Variants in TNK2 observed in about 807,000 individuals in gnomAD.
The protein encoded by TNK2 is activated CDC42 kinase 1.
In TNK2, 83 loss-of-function variants were observed where a neutral mutation model predicts 101.8. That is an observed-to-expected ratio of 0.82 (90% CI 0.68 to 0.98). TNK2 has a LOEUF of 0.98. Ranked by LOEUF, TNK2 falls within the 50% of genes least tolerant of loss-of-function variation. TNK2 has a pLI of 0.00. For synonymous variants in TNK2, 804 were observed against 633.0 expected, an observed-to-expected ratio of 1.27 and a Z score of -4.06; for missense variants, 1,665 against 1,483.2, an observed-to-expected ratio of 1.12 and a Z score of -2.01.
At chr3:195,889,920 C>A (rs1455943642) in intron 1 of TNK2, among the ~76,000 whole-genome samples, 1 of 152,150 alleles carries the variant, frequency 6.6e-6, no homozygotes, top group Non-Finnish European at 1.5e-5. Context: ...CCCCCTCCCC[C>A]ACTCAGCGGT....
chr3:195,874,561 C>A (rs1747843763), intron 9 of TNK2, among the ~76,000 whole-genome samples: 1 of 138,106 alleles, frequency 7.2e-6, no homozygotes, highest in African/African-American at 2.8e-5. Context: ...CCCACGCACG[C>A]TCCGAGGCAC....
Position 195,863,980 on chromosome 3 carries a change from A to C in TNK2, c.*201T>G, listed in dbSNP as rs1367143276. 3 of 614,330 alleles carry C rather than the reference A, an allele frequency of 4.9e-6. No homozygotes were observed. The highest frequency in any genetic ancestry group is 1.8e-5 in the African/African-American group (1 of 54,352). 38.1% of individuals were successfully genotyped at this position (614,330 alleles called of 1,614,324 possible). A position where few individuals can be genotyped will look rare whatever the true frequency, so the allele number is the denominator to read the frequency against. On this transcript the variant is annotated 3_prime_UTR_variant, in exon 16 of 16. Coordinates refer to ENST00000672887, the MANE Select transcript of TNK2 (RefSeq NM_001382273.1). ...GGCAGGGGCACCGGGACTGAACCAA[A>C]GTGTGCAGGGACAGCGCTGGTGCAG...
chr3:195,871,922 C>T (rs964300196), intron 10 of TNK2, among the ~76,000 whole-genome samples: 1 of 151,838 alleles, frequency 6.6e-6, no homozygotes, highest in Non-Finnish European at 1.5e-5. Context: ...AGAACCCTCC[C>T]CTGGAGAACC....
rs56204861 is a variant in TNK2 at position 195,871,917 on chromosome 3, C to G, written c.1451+359G>C. On this transcript the variant is annotated intron_variant, in intron 10 of 15. Transcript: ENST00000672887. ...CCCTGGAGAACGCTCCCCGGAGAACCCTCCCCTGGAGAACCCTCCCCTGGA... is the reference window on the plus strand; with the variant it reads ...CCCTGGAGAACGCTCCCCGGAGAACGCTCCCCTGGAGAACCCTCCCCTGGA... Among the ~76,000 whole-genome samples the G allele has an allele frequency of 4.5e-3, 664 of 148,076 alleles. 7 individuals are homozygous for G. Among genetic ancestry groups the G allele is most frequent in the African/African-American group, 0.016 (628 of 40,220 alleles).
intron 1 of TNK2, among the ~76,000 whole-genome samples, chr3:195,894,992 C>T (rs545624758): frequency 7.9e-5 from 12 of 152,328 alleles, no homozygotes; most frequent in African/African-American, 2.6e-4. Flanking sequence ...TCCTGGACTC[C>T]CTTGGGGCAT....
intron 1 of TNK2, chr3:195,894,808 G>C (rs1185255776): frequency 6.4e-6 from 1 of 155,408 alleles, no homozygotes; most frequent in African/African-American, 2.4e-5. Context: ...GAGGAAGTGC[G>C]TTCTCTCCAA....
Position 195,866,773 on chromosome 3 carries a change from G to C in TNK2, c.3161+116C>G. ...AGCGCCTCCCTCCCGCAGCTGGAGA[G>C]CTGTGTCTCCCTGGCCGGGAGCGGC... On this transcript the variant is annotated intron_variant, in intron 15 of 15. Coordinates refer to ENST00000672887, the MANE Select transcript of TNK2 (RefSeq NM_001382273.1). The C allele has an allele frequency of 2.1e-6, 3 of 1,425,234 alleles. No homozygotes were observed. In the East Asian group the frequency reaches 7.5e-5, roughly 36 times the overall value. The allele number at this position is 1,425,234 out of a possible 1,614,324, so 88.3% of individuals were successfully genotyped here. A position where few individuals can be genotyped will look rare whatever the true frequency, so the allele number is the denominator to read the frequency against.
chr3:195,873,838 CGCGGGGA>C (rs1747218267), intron 9 of TNK2, among the ~76,000 whole-genome samples: 1 of 151,918 alleles, frequency 6.6e-6, no homozygotes, highest in Non-Finnish European at 1.5e-5. Flanking sequence ...GGGCGCGGGG[CGCGGGGA>C]GACGGGGCTG....
Position 195,867,366 on chromosome 3 carries a change from G to A in TNK2, c.2932C>T (p.Gln978Ter), listed in dbSNP as rs750695335. ...PEAGRPADKI[Q>*]MLQAMVHGVT... ...CAGCCAGGCTGGGTGCTCACCATCTGGATCTTGTCTGCTGGCCGGCCCGCC... is the reference window on the plus strand; with the variant it reads ...CAGCCAGGCTGGGTGCTCACCATCTAGATCTTGTCTGCTGGCCGGCCCGCC... Residue 978 changes from glutamine to a stop codon, truncating the protein, a stop_gained, in exon 13 of 16, where the codon CAG (glutamine) becomes TAG (stop). Transcript: ENST00000672887. LOFTEE classifies it high-confidence loss of function. 1 of 1,607,504 alleles carries A rather than the reference G, an allele frequency of 6.2e-7. No homozygotes were observed. The highest frequency in any genetic ancestry group is 8.5e-7 in the Non-Finnish European group (1 of 1,177,862).
Position 195,872,292 on chromosome 3 carries a change from G to A in TNK2, c.1435C>T (p.Pro479Ser), listed in dbSNP as rs1271424037. 3 of 1,613,428 alleles carry A rather than the reference G, an allele frequency of 1.9e-6. No homozygotes were observed. The highest frequency in any genetic ancestry group is 2.2e-5 in the South Asian group (2 of 91,092). Reference protein sequence around the residue: ...DSDPRHCWGFPDRIDELYLGN... With the variant: ...DSDPRHCWGFSDRIDELYLGN... ...AGTACTCACTCGTCAATCCTGTCCG[G>A]GAAGCCCCAGCAGTGGCGGGGGTCA... is the stretch of plus-strand genomic sequence containing the variant. The change falls in exon 10 of 16, where the codon CCG becomes TCG. Residue 479 changes from proline (P) to serine (S), a missense_variant. Physicochemically the swap from Pro to Ser is moderately conservative, Grantham distance 74. Coordinates refer to ENST00000672887, the MANE Select transcript of TNK2 (RefSeq NM_001382273.1).
In TNK2 at chr3:195,878,526, A is replaced by G. The variant is rs1750672518; in HGVS notation, c.1081T>C (p.Tyr361His). ...GCCCAGCACTGGACCATGACGTTGT[A>G]GATGTCCTGGGGACAGTCCTCGGGC... ...PRPEDCPQDI[Y>H]NVMVQCWAHK... The change falls in exon 8 of 16, where the codon TAC becomes CAC. Residue 361 changes from tyrosine (Y) to histidine (H), a missense_variant. Around this residue, in one of 3 missense-constraint regions of TNK2, gnomAD observed 490 missense variants for 522.5 expected, o/e 0.94. Transcript: ENST00000672887. The surrounding 1 kb of genome is among the most constrained non-coding windows in gnomAD (Gnocchi z 4.7). The G allele has an allele frequency of 1.2e-6, 2 of 1,613,702 alleles. No individual in the cohort carries two copies. The highest frequency in any genetic ancestry group is 1.7e-6 in the Non-Finnish European group (2 of 1,180,040).
In TNK2 at chr3:195,882,509, C is replaced by G. The variant is rs1422466040; in HGVS notation, c.610-181G>C. On this transcript the variant is annotated intron_variant, in intron 5 of 15. Coordinates refer to ENST00000672887, the MANE Select transcript of TNK2 (RefSeq NM_001382273.1). The surrounding 1 kb of genome is among the most constrained non-coding windows in gnomAD (Gnocchi z 4.2). ...AGTTTCTCAGGCCTCTCCCTCGAGG[C>G]AATTTGGGAAACTGATGCCTAGAGA... 6.5e-7 allele frequency: 1 copy of G among 1,536,768 alleles called. No homozygotes were observed. The highest frequency in any genetic ancestry group is 1.2e-5 in the South Asian group (1 of 83,218).
In TNK2 at chr3:195,886,890, G is replaced by A. The variant is rs1755863849; in HGVS notation, c.234+87C>T. 1 of 1,442,660 alleles carries A rather than the reference G, an allele frequency of 6.9e-7. No individual in the cohort carries two copies. Among genetic ancestry groups the A allele is most frequent in the South Asian group, 1.1e-5 (1 of 87,510 alleles). The allele number at this position is 1,442,660 out of a possible 1,614,324, so 89.4% of individuals were successfully genotyped here. ...GAACGGCGAGATTCGACCTGCCGGG[G>A]AGCTGGGGAAGGTTCCCAGGACCAG... is the stretch of plus-strand genomic sequence containing the variant. On this transcript the variant is annotated intron_variant, in intron 3 of 15. Transcript: ENST00000672887. The surrounding 1 kb of genome is among the most constrained non-coding windows in gnomAD (Gnocchi z 4.2).
intron 11 of TNK2, chr3:195,869,854 G>C (rs114974453): frequency 5.4e-6 from 3 of 557,346 alleles, no homozygotes; most frequent in Non-Finnish European, 9.6e-6. Context: ...ATCTGAGCTC[G>C]GCCGTGGAAG....
intron 1 of TNK2, among the ~76,000 whole-genome samples, chr3:195,903,368 C>T (rs1466858599): frequency 6.6e-6 from 1 of 152,140 alleles, no homozygotes; most frequent in African/African-American, 2.4e-5. Context: ...TGGTGAGAGA[C>T]TAAATGCATC....
At chr3:195,903,831 C>T (rs1761471061) in intron 1 of TNK2, among the ~76,000 whole-genome samples, 1 of 152,124 alleles carries the variant, frequency 6.6e-6, no homozygotes, top group Non-Finnish European at 1.5e-5. Flanking sequence ...GCAGATGACA[C>T]GGCGCCCTAT....
At position 195,888,101 on chromosome 3, in the gene TNK2, G is replaced by C. The variant is rs984354448; in HGVS notation, c.163+325C>G. ...ATCTCTGCACATGGACCCCCCGGTAGTCAGAATGATGAGAACAGACTCAAT... is the reference window on the plus strand; with the variant it reads ...ATCTCTGCACATGGACCCCCCGGTACTCAGAATGATGAGAACAGACTCAAT... On this transcript the variant is annotated intron_variant, in intron 2 of 15. Coordinates refer to ENST00000672887, the MANE Select transcript of TNK2 (RefSeq NM_001382273.1). This position sits in a 1 kb window ranked among gnomAD's most constrained non-coding sequence, Gnocchi z 5.3. Among the ~76,000 whole-genome samples the C allele has an allele frequency of 6.6e-6, 1 of 152,136 alleles. No homozygotes were observed. Among genetic ancestry groups the C allele is most frequent in the Non-Finnish European group, 1.5e-5 (1 of 68,018 alleles).
intron 1 of TNK2, among the ~76,000 whole-genome samples, chr3:195,900,552 G>T (rs778274565): frequency 3.3e-5 from 5 of 152,190 alleles, no homozygotes; most frequent in Non-Finnish European, 7.3e-5. Context: ...TGTCAACGCC[G>T]ACACAAAGAG....
At position 195,867,470 on chromosome 3, in the gene TNK2, C is replaced by T. The variant is rs111695615; in HGVS notation, c.2828G>A (p.Ser943Asn). 1 of 1,582,816 alleles carries T rather than the reference C, an allele frequency of 6.3e-7. No homozygotes were observed. Among genetic ancestry groups the T allele is most frequent in the African/African-American group, 1.3e-5 (1 of 74,328 alleles). The change falls in exon 13 of 16, where the codon AGC becomes AAC. Residue 943 changes from serine (S) to asparagine (N), a missense_variant. Around this residue, in one of 3 missense-constraint regions of TNK2, gnomAD observed 1,136 missense variants for 894.9 expected, o/e 1.27. Coordinates refer to ENST00000672887, the MANE Select transcript of TNK2 (RefSeq NM_001382273.1). ...DPKANFSTNN[S>N]NPGARPPPPR... Reference sequence around the variant, plus strand: ...GGGTGGTGGCCGGGCCCCTGGGTTGCTGTTGTTGGTGGAGAAGTTGGCCTT... The same window carrying T: ...GGGTGGTGGCCGGGCCCCTGGGTTGTTGTTGTTGGTGGAGAAGTTGGCCTT...
Sources: allele counts gnomAD v4.1 joint callset (sites outside exome capture counted in the v4.1 genomes callset), GRCh38; gene constraint gnomAD v4.1.1; regional missense constraint gnomAD v4.1.1; non-coding constraint Gnocchi (gnomAD v3.1); transcripts MANE v1.5; gene names NCBI Gene and HGNC (gene_info 2026-07-23, HGNC 2026-07-21).